Variants in ADGRL3 observed in about 807,000 individuals in gnomAD.
ADGRL3 encodes calcium-independent alpha-latrotoxin receptor 3.
In ADGRL3, 62 loss-of-function variants were observed where a neutral mutation model predicts 153.5. The observed-to-expected ratio is 0.40, with a 90% CI of 0.33 to 0.50. ADGRL3 has a LOEUF of 0.50. ADGRL3 is among the 20% of genes least tolerant of loss of function. The pLI, the probability that ADGRL3 is intolerant of heterozygous loss-of-function variation, is 0.47. For synonymous variants in ADGRL3, 710 were observed against 672.5 expected (o/e 1.06, Z -0.86); for missense variants, 1,641 against 1,859.4 (o/e 0.88, Z 2.16).
At chr4:61,523,732 A>G (rs1579325993) in intron 4 of ADGRL3, among the ~76,000 whole-genome samples, 1 of 152,090 alleles carries the variant, frequency 6.6e-6, no homozygotes. Flanking sequence ...GGATGTATCC[A>G]ATTGAAAATA....
chr4:62,013,089 T>C (rs1168814387), intron 21 of ADGRL3, among the ~76,000 whole-genome samples: 1 of 152,136 alleles, frequency 6.6e-6, no homozygotes, highest in Non-Finnish European at 1.5e-5. Context: ...ATTGTTTCCA[T>C]TTTTTCAAGA....
intron 21 of ADGRL3, among the ~76,000 whole-genome samples, chr4:62,001,405 TCTC>T (rs2099139791): frequency 6.6e-6 from 1 of 152,128 alleles, no homozygotes; most frequent in Non-Finnish European, 1.5e-5. Context: ...TTCTGCCTAG[TCTC>T]CTCAATGAGG....
intron 1 of ADGRL3, among the ~76,000 whole-genome samples, chr4:61,240,360 T>C (rs1047722688): frequency 6.6e-6 from 1 of 152,114 alleles, no homozygotes; most frequent in African/African-American, 2.4e-5. Flanking sequence ...TTCCAACATA[T>C]GAATTTTGGG....
chr4:61,679,952 A>G (rs2095297486), intron 6 of ADGRL3, among the ~76,000 whole-genome samples: 1 of 151,504 alleles, frequency 6.6e-6, no homozygotes, highest in South Asian at 2.1e-4. Flanking sequence ...TTAGTCCTTT[A>G]CCTGTTTATT....
chr4:61,520,682 G>GTGTGTGTGTATGTGTGTGTGTGTC (rs763505931), intron 4 of ADGRL3, among the ~76,000 whole-genome samples: 1 of 123,472 alleles, frequency 8.1e-6, no homozygotes, highest in Non-Finnish European at 1.8e-5. Context: ...GTGTGTGTGT[G>GTGTGTGTGTATGTGTGTGTGTGTC]TGTCTGTCTG....
chr4:61,333,076 T>C (rs1340673452), intron 1 of ADGRL3, among the ~76,000 whole-genome samples: 2 of 152,124 alleles, frequency 1.3e-5, no homozygotes, highest in Non-Finnish European at 2.9e-5. Flanking sequence ...ACCATTTTTA[T>C]CTGTAGATAA....
intron 1 of ADGRL3, among the ~76,000 whole-genome samples, chr4:61,364,261 A>C (rs1034620284): frequency 1.3e-5 from 2 of 151,554 alleles, no homozygotes; most frequent in Non-Finnish European, 2.9e-5. Flanking sequence ...TGAACCTGGC[A>C]GGCAGAGATT....
chr4:62,015,539 A>G (rs1429420305), intron 21 of ADGRL3, among the ~76,000 whole-genome samples: 2 of 152,184 alleles, frequency 1.3e-5, no homozygotes, highest in East Asian at 3.8e-4. Flanking sequence ...TTTTCTTTGT[A>G]ATAGTCATCA....
chr4:61,406,776 T>C (rs966804464), intron 2 of ADGRL3, among the ~76,000 whole-genome samples: 6 of 152,020 alleles, frequency 3.9e-5, no homozygotes, highest in Non-Finnish European at 8.8e-5. Context: ...GTACAACTTA[T>C]TCAGCATGCC....
chr4:62,017,600 A>G (rs2099218552), intron 21 of ADGRL3, among the ~76,000 whole-genome samples: 1 of 152,072 alleles, frequency 6.6e-6, no homozygotes, highest in Non-Finnish European at 1.5e-5. Context: ...TCTGAAGTGA[A>G]ATGTTAGTAT....
intron 1 of ADGRL3, among the ~76,000 whole-genome samples, chr4:61,359,686 ATCACTGC>A (rs1193581385): frequency 6.6e-6 from 1 of 152,074 alleles, no homozygotes; most frequent in African/African-American, 2.4e-5. Context: ...ATGCACTTTT[ATCACTGC>A]TCACTGAATC....
rs1398217432 is a variant in ADGRL3 at position 61,844,567 on chromosome 4, AAAAAAAAAATATATAT to A, written c.1480+30680_1480+30695del. On this transcript the variant is annotated intron_variant, in intron 9 of 26. Transcript: ENST00000683033. ...ATCTCAAAAAAAAAAAAAAAAAAAA[AAAAAAAAAATATATAT>A]ATATATATATATATTTACTTTATTC... Among the ~76,000 whole-genome samples the A allele has an allele frequency of 1.2e-4, 7 of 58,318 alleles. No individual in the cohort carries two copies. The South Asian group carries it at 3.5e-3, about 29-fold the overall frequency. 38.3% of individuals were successfully genotyped at this position (58,318 alleles called of 152,430 possible).
chr4:61,334,282 G>A (rs573653291), intron 1 of ADGRL3, among the ~76,000 whole-genome samples: 3 of 152,190 alleles, frequency 2.0e-5, no homozygotes, highest in African/African-American at 7.2e-5. Context: ...CTATCCAAGG[G>A]TTAGAATAGA....
chr4:61,348,301 G>A lies in ADGRL3; in HGVS notation c.-239-34823G>A, dbSNP rs557841821. On this transcript the variant is annotated intron_variant, in intron 1 of 26. Coordinates refer to ENST00000683033, the MANE Select transcript of ADGRL3 (RefSeq NM_001387552.1). ...AAGGCACATATATTGAAATAATAAG[G>A]AGCATAATTTTTGAATGTATATTGA... 2.0e-4 allele frequency among the ~76,000 whole-genome samples: 30 copies of A among 151,928 alleles called. No individual in the cohort carries two copies. In the South Asian group the frequency reaches 5.6e-3, roughly 28 times the overall value.
intron 5 of ADGRL3, among the ~76,000 whole-genome samples, chr4:61,604,407 T>A (rs2099023868): frequency 1.3e-5 from 2 of 152,218 alleles, no homozygotes; most frequent in African/African-American, 4.8e-5. Flanking sequence ...TGGAATAAAA[T>A]GCCTATAAAA....
intron 9 of ADGRL3, among the ~76,000 whole-genome samples, chr4:61,879,649 A>G (rs2098497726): frequency 6.6e-6 from 1 of 152,180 alleles, no homozygotes; most frequent in South Asian, 2.1e-4. Context: ...AAGACTCCAT[A>G]TTCTTAAAAA....
intron 3 of ADGRL3, among the ~76,000 whole-genome samples, chr4:61,513,277 TA>T (rs2098473306): frequency 1.3e-5 from 2 of 152,178 alleles, no homozygotes; most frequent in Admixed American, 1.3e-4. Flanking sequence ...AAAAAAATTA[TA>T]AATCAGTATT....
intron 11 of ADGRL3, among the ~76,000 whole-genome samples, chr4:61,907,254 T>G (rs2098700239): frequency 6.6e-6 from 1 of 151,922 alleles, no homozygotes; most frequent in Non-Finnish European, 1.5e-5. Context: ...TTTTTTCTAT[T>G]TATTTATTTA....
chr4:61,679,453 C>A (rs965522673), intron 6 of ADGRL3, among the ~76,000 whole-genome samples: 3 of 152,076 alleles, frequency 2.0e-5, no homozygotes, highest in Non-Finnish European at 2.9e-5. Flanking sequence ...ACCTTGTAGA[C>A]CTTCCCTGAT....
Sources: allele counts gnomAD v4.1 joint callset (sites outside exome capture counted in the v4.1 genomes callset), GRCh38; gene constraint gnomAD v4.1.1; transcripts MANE v1.5; gene names NCBI Gene and HGNC (gene_info 2026-07-23, HGNC 2026-07-21).